EML6: variants seen among roughly 807,000 people sequenced by gnomAD.
EML6 encodes echinoderm microtubule-associated protein-like 6.
EML6 carries 154 observed loss-of-function variants against 240.1 expected under a neutral mutation model. The ratio of observed to expected loss-of-function variants is 0.64; its 90% CI spans 0.56 to 0.73. The LOEUF (loss-of-function observed/expected upper bound fraction) is 0.73, where lower values mean the gene tolerates loss of function less well. Among genes scored for constraint, EML6 ranks in the 30% least tolerant of loss-of-function variants. The probability of loss-of-function intolerance (pLI) is 0.00; values close to 1 mark genes in which losing one functional copy is unlikely to be tolerated. For synonymous variants in EML6, 1,148 were observed against 899.0 expected, an observed-to-expected ratio of 1.28 and a Z score of -4.95; for missense variants, 2,964 against 2,474.6, an observed-to-expected ratio of 1.20 and a Z score of -4.20.
chr2:54,910,741 T>C (rs1012724891), intron 24 of EML6, among the ~76,000 whole-genome samples: 1 of 152,222 alleles, frequency 6.6e-6, no homozygotes, highest in African/African-American at 2.4e-5. Context: ...AGATCAAATA[T>C]TATGAAGTCC....
rs376482354 is a variant in EML6 at position 54,956,768 on chromosome 2, G to T, written c.4487-1022G>T. On this transcript the variant is annotated intron_variant, in intron 32 of 41. Coordinates refer to ENST00000356458, the MANE Select transcript of EML6 (RefSeq NM_001039753.4). ...AAAACAAATGCGAAGTGATGAGAAC[G>T]AAGAAGAAAAAAATAGGTGTGTGAA... Among the ~76,000 whole-genome samples, 4 of 152,024 alleles carry T rather than the reference G, an allele frequency of 2.6e-5. No homozygotes were observed. The East Asian group carries it at 7.7e-4, about 29-fold the overall frequency.
chr2:54,922,364 G>A (rs1326655177), intron 26 of EML6, among the ~76,000 whole-genome samples: 2 of 152,148 alleles, frequency 1.3e-5, no homozygotes, highest in Admixed American at 1.3e-4. Flanking sequence ...CCTCACACCT[G>A]TTAGGATGTC....
intron 28 of EML6, among the ~76,000 whole-genome samples, chr2:54,936,027 C>T (rs1235286657): frequency 6.6e-6 from 1 of 152,226 alleles, no homozygotes; most frequent in Non-Finnish European, 1.5e-5. Context: ...GAGACCCTGT[C>T]CGTGAATGAA....
At chr2:54,930,081 T>G (rs1390603073) in intron 28 of EML6, among the ~76,000 whole-genome samples, 1 of 152,154 alleles carries the variant, frequency 6.6e-6, no homozygotes, top group African/African-American at 2.4e-5. Context: ...AAGTATTCAT[T>G]CCTTTGGAAA....
intron 25 of EML6, among the ~76,000 whole-genome samples, chr2:54,915,465 A>C (rs1013894767): frequency 3.9e-5 from 6 of 152,144 alleles, no homozygotes; most frequent in Admixed American, 3.9e-4. Context: ...TTAGGACATC[A>C]TAAGGGGTTG....
chr2:54,805,452 T>C (rs1319973476), intron 2 of EML6, among the ~76,000 whole-genome samples: 1 of 152,236 alleles, frequency 6.6e-6, no homozygotes, highest in Non-Finnish European at 1.5e-5. Flanking sequence ...CCTGTGTCTT[T>C]AGCAACACTT....
chr2:54,781,145 A>G (rs948571468), intron 2 of EML6, among the ~76,000 whole-genome samples: 1 of 152,322 alleles, frequency 6.6e-6, no homozygotes, highest in East Asian at 1.9e-4. Context: ...CTATATATAC[A>G]TATCTATTAT....
chr2:54,859,661 A>C lies in EML6; in HGVS notation c.1785A>C (p.Pro595=). The change falls in exon 12 of 42, where the codon CCA becomes CCC. Residue 595 remains proline (P), a synonymous_variant. Transcript: ENST00000356458. ...DHSVFQWRFI[P]EGVSNGMLET... ...CAGTTTTCCAGTGGAGGTTTATTCC[A>C]GAAGGTGTCAGCAACGGCATGCTGG... is the stretch of plus-strand genomic sequence containing the variant. 6.5e-7 allele frequency: 1 copy of C among 1,549,710 alleles called. No individual in the cohort carries two copies. The highest frequency in any genetic ancestry group is 1.2e-5 in the South Asian group (1 of 83,310).
At chr2:54,844,842 C>T (rs1669663959) in intron 8 of EML6, among the ~76,000 whole-genome samples, 1 of 152,224 alleles carries the variant, frequency 6.6e-6, no homozygotes, top group South Asian at 2.1e-4. Flanking sequence ...AAAATGAGCA[C>T]AATGACTTAT....
chr2:54,866,789 G>A lies in EML6; in HGVS notation c.1956G>A (p.Gln652=), dbSNP rs921788547. The change falls in exon 14 of 42, where the codon CAG becomes CAA. Residue 652 remains glutamine (Q), a synonymous_variant. Coordinates refer to ENST00000356458, the MANE Select transcript of EML6 (RefSeq NM_001039753.4). ...AGGTTTACAAAGAAGATCTACCTCA[G>A]CTAAAGCAACAAAGTAAAGAGAAAA... ...DRQVYKEDLP[Q]LKQQSKEKNH... is the part of the protein sequence containing the mutation. 7.1e-6 allele frequency: 11 copies of A among 1,550,616 alleles called. No individual in the cohort carries two copies. In the African/African-American group the frequency reaches 1.4e-4, roughly 19 times the overall value.
chr2:54,820,487 T>A (rs1668282018), intron 5 of EML6, 25 bp downstream of exon 5: 1 of 1,408,264 alleles, frequency 7.1e-7, no homozygotes, highest in Non-Finnish European at 9.8e-7. Context: ...TTTTTAATTT[T>A]GGTACCTTGA....
At chr2:54,901,896 A>G (rs1573106688) in intron 22 of EML6, among the ~76,000 whole-genome samples, 1 of 152,340 alleles carries the variant, frequency 6.6e-6, no homozygotes, top group East Asian at 1.9e-4. Flanking sequence ...TACCTTTGCA[A>G]AGTCCATGCT....
chr2:54,843,439 C>T (rs1669568223), intron 7 of EML6, among the ~76,000 whole-genome samples: 1 of 152,010 alleles, frequency 6.6e-6, no homozygotes, highest in African/African-American at 2.4e-5. Context: ...AAAATAAAAA[C>T]AAACAATCCT....
chr2:54,960,379 A>G (rs767891176), intron 35 of EML6, 45 bp downstream of exon 35: 1 of 1,409,176 alleles, frequency 7.1e-7, no homozygotes. Context: ...GGGAAGGGGG[A>G]AGTGTAGGTA....
chr2:54,774,310 A>G lies in EML6; in HGVS notation c.198-38922A>G, dbSNP rs1454419878. ...GGGCAGAGAGAGAAGTCAGGATACT[A>G]TGCAGGCTCCACAGGATGGTCAGGC... On this transcript the variant is annotated intron_variant, in intron 2 of 41. Coordinates refer to ENST00000356458, the MANE Select transcript of EML6 (RefSeq NM_001039753.4). This position sits in a 1 kb window ranked among gnomAD's most constrained non-coding sequence, Gnocchi z 4.1. Among the ~76,000 whole-genome samples the G allele has an allele frequency of 1.3e-5, 2 of 152,190 alleles. No homozygotes were observed. The highest frequency in any genetic ancestry group is 4.8e-5 in the African/African-American group (2 of 41,438).
chr2:54,950,979 C>T (rs1675945155), intron 30 of EML6, among the ~76,000 whole-genome samples, 200 bp downstream of exon 30: 1 of 152,122 alleles, frequency 6.6e-6, no homozygotes, highest in Non-Finnish European at 1.5e-5. Flanking sequence ...CTGACCTGAG[C>T]TTGACCTCAC....
At chr2:54,808,386 C>T (rs534507916) in intron 2 of EML6, among the ~76,000 whole-genome samples, 2 of 152,328 alleles carry the variant, frequency 1.3e-5, no homozygotes, top group East Asian at 1.9e-4. Flanking sequence ...GCAGCAACCT[C>T]CCCTTCTGTC....
At chr2:54,851,064 C>T (rs1314113060) in intron 10 of EML6, among the ~76,000 whole-genome samples, 1 of 152,098 alleles carries the variant, frequency 6.6e-6, no homozygotes, top group African/African-American at 2.4e-5. Context: ...GGAATGATAC[C>T]TCATTCAGGA....
At chr2:54,873,467 C>T (rs1045588256) in intron 16 of EML6, among the ~76,000 whole-genome samples, 20 of 152,148 alleles carry the variant, frequency 1.3e-4, no homozygotes, top group Non-Finnish European at 2.5e-4. Context: ...TCCAAACTCC[C>T]GGAAGTGTGA....
Sources: gnomAD v4.1 joint callset for allele counts (sites outside exome capture counted in the v4.1 genomes callset) on GRCh38, gnomAD v4.1.1 for gene constraint, Gnocchi (gnomAD v3.1) non-coding constraint, MANE v1.5 for transcripts, NCBI Gene and HGNC (gene_info 2026-07-23, HGNC 2026-07-21) for gene names.